CGNL1: variants seen among roughly 807,000 people sequenced by gnomAD.
CGNL1 encodes the protein cingulin-like protein 1.
CGNL1 carries 132 observed loss-of-function variants against 141.2 expected under a neutral mutation model. That is an observed-to-expected ratio of 0.93 (90% CI 0.81 to 1.08). The LOEUF is 1.08. CGNL1 is among the 50% of genes least tolerant of loss of function. The pLI is 0.00. For missense variants in CGNL1, 1,870 were observed against 1,588.6 expected, an observed-to-expected ratio of 1.18 and a Z score of -3.01; for synonymous variants, 690 against 622.1, an observed-to-expected ratio of 1.11 and a Z score of -1.63.
intron 14 of CGNL1, among the ~76,000 whole-genome samples, chr15:57,541,845 G>C (rs2032581852): frequency 6.6e-6 from 1 of 152,206 alleles, no homozygotes; most frequent in Non-Finnish European, 1.5e-5. Flanking sequence ...CCATGATTTA[G>C]ATGCCTGCCA....
rs1234012893 is a variant in CGNL1 at position 57,545,707 on chromosome 15, A to G, written c.3609+7A>G. 6.2e-7 allele frequency: 1 copy of G among 1,605,836 alleles called. No homozygotes were observed. Among genetic ancestry groups the G allele is most frequent in the Admixed American group, 1.7e-5 (1 of 59,606 alleles). On this transcript the variant is annotated splice_region_variant and intron_variant, in intron 17 of 18. Coordinates refer to ENST00000281282, the MANE Select transcript of CGNL1 (RefSeq NM_032866.5). Reference sequence around the variant, plus strand: ...GACTGATCAGAAGGACCAGGTGGGGAGCCTCTGCGTGCATTTGCTCTTAGA... The same window carrying G: ...GACTGATCAGAAGGACCAGGTGGGGGGCCTCTGCGTGCATTTGCTCTTAGA...
Position 57,412,087 on chromosome 15 carries a change from A to G in CGNL1, c.-15-25898A>G, listed in dbSNP as rs571670555. On this transcript the variant is annotated intron_variant, in intron 1 of 18. Transcript: ENST00000281282. ...GGATTGACTTCCTTCCTCTGCCAAG[A>G]GGGCAACCAGCTGATGACAGTTTGG... is the stretch of plus-strand genomic sequence containing the variant. Among the ~76,000 whole-genome samples the G allele has an allele frequency of 9.2e-5, 14 of 152,312 alleles. No individual in the cohort carries two copies. The South Asian group carries it at 2.9e-3, about 32-fold the overall frequency.
intron 8 of CGNL1, among the ~76,000 whole-genome samples, chr15:57,497,850 A>G (rs2063963563): frequency 6.6e-6 from 1 of 152,214 alleles, no homozygotes; most frequent in African/African-American, 2.4e-5. Context: ...GCTGTTGTAT[A>G]GGGAGGCATT....
At chr15:57,532,553 G>A (rs1443159444) in intron 14 of CGNL1, among the ~76,000 whole-genome samples, 2 of 152,132 alleles carry the variant, frequency 1.3e-5, no homozygotes, top group Non-Finnish European at 2.9e-5. Context: ...TCTATAACAC[G>A]AGCATAACTC....
rs552738798 is a variant in CGNL1 at position 57,475,812 on chromosome 15, G to T, written c.2403+13920G>T. On this transcript the variant is annotated intron_variant, in intron 8 of 18. Transcript: ENST00000281282. ...TTCTTCTTTCCCCCGGCTCATATTA[G>T]CCTGTCTGTCCCCAACATCCTTCAC... 3.9e-5 allele frequency among the ~76,000 whole-genome samples: 6 copies of T among 151,954 alleles called. No individual in the cohort carries two copies. In the South Asian group the frequency reaches 1.3e-3, roughly 32 times the overall value.
intron 7 of CGNL1, among the ~76,000 whole-genome samples, chr15:57,454,054 G>A (rs2063351968): frequency 1.3e-5 from 2 of 152,126 alleles, no homozygotes; most frequent in African/African-American, 4.8e-5. Flanking sequence ...TCTTGTTGAG[G>A]TATTAGATTC....
chr15:57,420,750 T>C (rs2062905311), intron 1 of CGNL1, among the ~76,000 whole-genome samples: 1 of 152,228 alleles, frequency 6.6e-6, no homozygotes. Flanking sequence ...TTAGATTCTT[T>C]TTAGTCTGAT....
intron 8 of CGNL1, among the ~76,000 whole-genome samples, chr15:57,513,234 T>G (rs1465737870): frequency 6.7e-6 from 1 of 149,006 alleles, no homozygotes; most frequent in East Asian, 2.0e-4. Context: ...TTCCAGACTT[T>G]CATATAAATG....
At chr15:57,477,159 A>T (rs889213664) in intron 8 of CGNL1, among the ~76,000 whole-genome samples, 2 of 152,178 alleles carry the variant, frequency 1.3e-5, no homozygotes, top group East Asian at 3.8e-4. Context: ...TGCTTCAAAG[A>T]CTTTTTGAAA....
At chr15:57,451,034 T>C (rs2063316225) in intron 4 of CGNL1, among the ~76,000 whole-genome samples, 1 of 152,118 alleles carries the variant, frequency 6.6e-6, no homozygotes, top group Non-Finnish European at 1.5e-5. Context: ...AATGACTGTC[T>C]TTACTTACAA....
chr15:57,418,485 G>A (rs2062875496), intron 1 of CGNL1, among the ~76,000 whole-genome samples: 1 of 152,132 alleles, frequency 6.6e-6, no homozygotes, highest in South Asian at 2.1e-4. Flanking sequence ...TCCTGGGGAA[G>A]GTTGGTCTAC....
intron 1 of CGNL1, among the ~76,000 whole-genome samples, chr15:57,385,649 C>G (rs1364825851): frequency 6.6e-6 from 1 of 152,186 alleles, no homozygotes; most frequent in African/African-American, 2.4e-5. Context: ...TTGTTTCCTC[C>G]TCTGTAAAAT....
intron 8 of CGNL1, among the ~76,000 whole-genome samples, chr15:57,496,705 T>C (rs1458535672): frequency 5.3e-5 from 8 of 152,196 alleles, no homozygotes; most frequent in African/African-American, 9.7e-5. Flanking sequence ...GCATGAGCCC[T>C]GGAGTCAGAC....
At chr15:57,504,682 TAGG>T (rs1415544594) in intron 8 of CGNL1, among the ~76,000 whole-genome samples, 1 of 151,876 alleles carries the variant, frequency 6.6e-6, no homozygotes, top group Non-Finnish European at 1.5e-5. Flanking sequence ...TGCAGTGGGG[TAGG>T]AGGAGGATAT....
chr15:57,463,877 C>A (rs1243676342), intron 8 of CGNL1, among the ~76,000 whole-genome samples: 1 of 152,216 alleles, frequency 6.6e-6, no homozygotes, highest in Non-Finnish European at 1.5e-5. Flanking sequence ...AATGTCCTCT[C>A]TTTTATGAAC....
intron 1 of CGNL1, among the ~76,000 whole-genome samples, chr15:57,426,319 A>AT (rs2062973246): frequency 6.6e-6 from 1 of 151,758 alleles, no homozygotes; most frequent in African/African-American, 2.4e-5. Flanking sequence ...TAATTTTTGT[A>AT]TTTTTAGTAG....
chr15:57,467,134 T>A (rs1387918609), intron 8 of CGNL1, among the ~76,000 whole-genome samples: 1 of 152,212 alleles, frequency 6.6e-6, no homozygotes, highest in Non-Finnish European at 1.5e-5. Flanking sequence ...CGTGCTAAGT[T>A]CGTGAGGACT....
At chr15:57,480,018 C>T (rs1459511742) in intron 8 of CGNL1, among the ~76,000 whole-genome samples, 1 of 152,170 alleles carries the variant, frequency 6.6e-6, no homozygotes, top group Non-Finnish European at 1.5e-5. Context: ...GGAATTTTGG[C>T]TCACGGTTAT....
intron 8 of CGNL1, among the ~76,000 whole-genome samples, chr15:57,484,741 G>A (rs542726564): frequency 7.9e-5 from 12 of 151,890 alleles, no homozygotes; most frequent in African/African-American, 2.7e-4. Flanking sequence ...GACAGGCCCC[G>A]GTGTGTGATG....
Sources: allele counts gnomAD v4.1 joint callset (sites outside exome capture counted in the v4.1 genomes callset), GRCh38; gene constraint gnomAD v4.1.1; transcripts MANE v1.5; gene names NCBI Gene and HGNC (gene_info 2026-07-23, HGNC 2026-07-21).